HS6ST3: variants seen among roughly 807,000 people sequenced by gnomAD.
HS6ST3 encodes heparan-sulfate 6-O-sulfotransferase 3.
A neutral mutation model predicts 36.7 loss-of-function variants in HS6ST3; 12 were observed. That is an observed-to-expected ratio of 0.33 (90% CI 0.21 to 0.53). HS6ST3 has a LOEUF of 0.53. Ranked by LOEUF, HS6ST3 falls within the 20% of genes least tolerant of loss-of-function variation. The pLI, the probability that HS6ST3 is intolerant of heterozygous loss-of-function variation, is 0.95. For synonymous variants in HS6ST3, 240 were observed against 257.5 expected (o/e 0.93, Z 0.65); for missense variants, 584 against 640.9 (o/e 0.91, Z 0.96).
intron 1 of HS6ST3, among the ~76,000 whole-genome samples, chr13:96,316,648 A>T (rs1261370618): frequency 1.3e-5 from 2 of 152,192 alleles, no homozygotes; most frequent in Non-Finnish European, 2.9e-5. Flanking sequence ...CCAGTTTGTT[A>T]GTTTTATTTC....
chr13:96,458,947 T>C (rs1376397363), intron 1 of HS6ST3, among the ~76,000 whole-genome samples: 1 of 151,452 alleles, frequency 6.6e-6, no homozygotes, highest in Non-Finnish European at 1.5e-5. Context: ...GTACTAAAAA[T>C]ACAAAAATTA....
chr13:96,351,659 A>G (rs2055184912), intron 1 of HS6ST3, among the ~76,000 whole-genome samples: 1 of 152,210 alleles, frequency 6.6e-6, no homozygotes, highest in African/African-American at 2.4e-5. Context: ...GGAAGAAATC[A>G]AACTGATGAA....
At chr13:96,311,075 T>C (rs1166870294) in intron 1 of HS6ST3, among the ~76,000 whole-genome samples, 1 of 152,154 alleles carries the variant, frequency 6.6e-6, no homozygotes, top group African/African-American at 2.4e-5. Context: ...AAGCAAAAAG[T>C]ACTCTAATGA....
intron 1 of HS6ST3, among the ~76,000 whole-genome samples, chr13:96,810,331 A>G (rs1878291121): frequency 1.3e-5 from 2 of 152,204 alleles, no homozygotes; most frequent in Admixed American, 6.5e-5. Context: ...GGGGTAGAAG[A>G]GAGAAGAAGG....
At chr13:96,823,545 TTAAA>T (rs368439656) in intron 1 of HS6ST3, among the ~76,000 whole-genome samples, 216 of 152,322 alleles carry the variant, frequency 1.4e-3, no homozygotes, top group Non-Finnish European at 2.4e-3. Flanking sequence ...ATTTATAACT[TTAAA>T]TAATAATCAA....
chr13:96,286,915 T>A (rs1480274809), intron 1 of HS6ST3, among the ~76,000 whole-genome samples: 1 of 152,088 alleles, frequency 6.6e-6, no homozygotes, highest in Non-Finnish European at 1.5e-5. Flanking sequence ...TGTGCATGTG[T>A]GTGTGCCTGA....
chr13:96,096,109 CAT>C (rs979156090), intron 1 of HS6ST3, among the ~76,000 whole-genome samples: 1 of 151,818 alleles, frequency 6.6e-6, no homozygotes, highest in African/African-American at 2.4e-5. Flanking sequence ...GAAACCATGT[CAT>C]ATGAGAATTA....
chr13:96,545,377 G>C (rs2056194024), intron 1 of HS6ST3, among the ~76,000 whole-genome samples: 1 of 152,118 alleles, frequency 6.6e-6, no homozygotes. Context: ...ACCAACACTG[G>C]CATATTTGCT....
At chr13:96,708,831 G>A (rs1187727621) in intron 1 of HS6ST3, among the ~76,000 whole-genome samples, 1 of 152,188 alleles carries the variant, frequency 6.6e-6, no homozygotes, top group African/African-American at 2.4e-5. Flanking sequence ...TTATAACATA[G>A]ATGCTCTTCA....
At chr13:96,278,107 A>G (rs536740703) in intron 1 of HS6ST3, among the ~76,000 whole-genome samples, 1 of 152,298 alleles carries the variant, frequency 6.6e-6, no homozygotes, top group Non-Finnish European at 1.5e-5. Context: ...CTATTTATCT[A>G]TACTTATTGT....
In HS6ST3 at chr13:96,753,758, A is replaced by G. The variant is rs75061458; in HGVS notation, c.708-78732A>G. 1.9e-4 allele frequency among the ~76,000 whole-genome samples: 29 copies of G among 152,308 alleles called. No homozygotes were observed. In the East Asian group the frequency reaches 5.6e-3, roughly 29 times the overall value. ...ACTCCAATAGAAGCAGATAGTGGAC[A>G]TACTTGTCTTGCCTCTGACTTTAAA... On this transcript the variant is annotated intron_variant, in intron 1 of 1. Coordinates refer to ENST00000376705, the MANE Select transcript of HS6ST3 (RefSeq NM_153456.4).
intron 1 of HS6ST3, among the ~76,000 whole-genome samples, chr13:96,550,514 G>T (rs1345137499): frequency 6.6e-6 from 1 of 152,116 alleles, no homozygotes; most frequent in African/African-American, 2.4e-5. Context: ...ACTAATACAT[G>T]CTCCCAACCT....
At chr13:96,345,150 C>T (rs1460452909) in intron 1 of HS6ST3, among the ~76,000 whole-genome samples, 3 of 152,176 alleles carry the variant, frequency 2.0e-5, no homozygotes, top group African/African-American at 7.2e-5. Flanking sequence ...TTTAGAGATA[C>T]ATTTGCATTG....
At chr13:96,507,573 A>G (rs912349623) in intron 1 of HS6ST3, among the ~76,000 whole-genome samples, 5 of 152,118 alleles carry the variant, frequency 3.3e-5, no homozygotes, top group African/African-American at 4.8e-5. Flanking sequence ...CTTTTTCTCT[A>G]TATCTCTACT....
chr13:96,252,025 A>G (rs936381912), intron 1 of HS6ST3, among the ~76,000 whole-genome samples: 13 of 152,128 alleles, frequency 8.5e-5, no homozygotes, highest in African/African-American at 3.1e-4. Flanking sequence ...TTCTACTGCT[A>G]TTGGATGTAA....
intron 1 of HS6ST3, among the ~76,000 whole-genome samples, chr13:96,242,007 G>C (rs547049795): frequency 2.0e-5 from 3 of 151,736 alleles, no homozygotes; most frequent in African/African-American, 4.8e-5. Context: ...GGATGGTCTC[G>C]ATCTCCTGAC....
chr13:96,753,714 A>G (rs887533222), intron 1 of HS6ST3, among the ~76,000 whole-genome samples: 2 of 152,198 alleles, frequency 1.3e-5, no homozygotes, highest in Non-Finnish European at 2.9e-5. Context: ...TAACTGCACA[A>G]GCAAGGACCT....
chr13:96,387,688 G>T (rs956083738), intron 1 of HS6ST3, among the ~76,000 whole-genome samples: 1 of 152,068 alleles, frequency 6.6e-6, no homozygotes, highest in African/African-American at 2.4e-5. Flanking sequence ...CAACTAAATT[G>T]CTCCAATTAC....
intron 1 of HS6ST3, among the ~76,000 whole-genome samples, chr13:96,198,282 T>C (rs1164753724): frequency 6.6e-6 from 1 of 152,170 alleles, no homozygotes; most frequent in Non-Finnish European, 1.5e-5. Flanking sequence ...CCTCTGGGCC[T>C]GTGATGGGAG....
Sources: allele counts gnomAD v4.1 joint callset (sites outside exome capture counted in the v4.1 genomes callset), GRCh38; gene constraint gnomAD v4.1.1; transcripts MANE v1.5; gene names NCBI Gene and HGNC (gene_info 2026-07-23, HGNC 2026-07-21).